Variants in PCDHGB2 observed in about 807,000 individuals in gnomAD.
The protein encoded by PCDHGB2 is protocadherin gamma subfamily B, 2, also known as protocadherin gamma-B2.
Under a neutral mutation model 59.3 loss-of-function variants are expected in PCDHGB2, and 55 were observed. That is an observed-to-expected ratio of 0.93 (90% confidence interval 0.75 to 1.16). PCDHGB2 has a LOEUF of 1.16. PCDHGB2 is among the 50% of genes most tolerant of loss of function. The pLI, the probability that PCDHGB2 is intolerant of heterozygous loss-of-function variation, is 0.00. For synonymous variants in PCDHGB2, 516 were observed against 512.0 expected (o/e 1.01, Z -0.11); for missense variants, 1,228 against 1,198.5 (o/e 1.02, Z -0.36).
chr5:141,380,982 T>A (rs1776910305), intron 1 of PCDHGB2, among the ~76,000 whole-genome samples: 3 of 152,248 alleles, frequency 2.0e-5, no homozygotes, highest in Non-Finnish European at 2.9e-5. Flanking sequence ...AAATAGAATT[T>A]AACTCCAGTT....
chr5:141,431,162 G>C lies in PCDHGB2; in HGVS notation c.2422-63645G>C, dbSNP rs757521794. The C allele has an allele frequency of 3.1e-6, 5 of 1,614,246 alleles. No homozygotes were observed. The South Asian group carries it at 5.5e-5, about 18-fold the overall frequency. On this transcript the variant is annotated intron_variant, in intron 1 of 3. Coordinates refer to ENST00000522605, the MANE Select transcript of PCDHGB2 (RefSeq NM_018923.3). The surrounding 1 kb of genome is among the most constrained non-coding windows in gnomAD (Gnocchi z 4.8). Reference sequence around the variant, plus strand: ...TAACGACAATGCGCCTTACTTTCGTGAAAGTGAATTAGAAATAAAAATTAG... The same window carrying C: ...TAACGACAATGCGCCTTACTTTCGTCAAAGTGAATTAGAAATAAAAATTAG...
intron 1 of PCDHGB2, chr5:141,390,367 T>C (rs2092130153): frequency 6.6e-7 from 1 of 1,518,766 alleles, no homozygotes; most frequent in African/African-American, 1.4e-5. Flanking sequence ...TGCAGGAAAA[T>C]ATATAATTTT....
intron 1 of PCDHGB2, among the ~76,000 whole-genome samples, chr5:141,482,530 C>CAAAAAAAAAA (rs3074545): frequency 1.2e-3 from 90 of 76,428 alleles, no homozygotes; most frequent in African/African-American, 1.7e-3. Context: ...GACAGACATG[C>CAAAAAAAAAA]AAAAAAAAAA....
intron 1 of PCDHGB2, chr5:141,419,357 AC>A (rs1185938270): frequency 3.7e-6 from 6 of 1,613,814 alleles, no homozygotes; most frequent in Non-Finnish European, 4.2e-6. Context: ...GGAGTCACGA[AC>A]GCTGTCGTCC....
chr5:141,459,253 ATTAGTGTTGCCTCT>A (rs1439680561), intron 1 of PCDHGB2, among the ~76,000 whole-genome samples: 1 of 152,174 alleles, frequency 6.6e-6, no homozygotes, highest in African/African-American at 2.4e-5. Context: ...GTCACTATAA[ATTAGTGTTGCCTCT>A]TTCAGAATTT....
chr5:141,478,856 T>G (rs1372487685), intron 1 of PCDHGB2: 2 of 1,353,224 alleles, frequency 1.5e-6, no homozygotes, highest in Non-Finnish European at 2.0e-6. Flanking sequence ...AAACACAAGA[T>G]CTCAGCGATC....
chr5:141,420,293 A>T (rs1478341095), intron 1 of PCDHGB2: 1 of 1,485,484 alleles, frequency 6.7e-7, no homozygotes, highest in Admixed American at 2.2e-5. Context: ...TTAAAAATGT[A>T]TTTAATCCTT....
intron 1 of PCDHGB2, chr5:141,423,469 C>G: frequency 3.1e-6 from 5 of 1,613,948 alleles, no homozygotes; most frequent in Non-Finnish European, 4.2e-6. Flanking sequence ...GGACGGGGTA[C>G]AGGCTTTCCT....
At position 141,362,326 on chromosome 5, in the gene PCDHGB2, C is replaced by T; in HGVS notation, c.2191C>T (p.Leu731Phe). 6.2e-7 allele frequency: 1 copy of T among 1,614,070 alleles called. No individual in the cohort carries two copies. The highest frequency in any genetic ancestry group is 1.3e-5 in the African/African-American group (1 of 75,068). Residue 731 changes from leucine to phenylalanine, a missense_variant, in exon 1 of 4, where the codon CTC becomes TTC. Physicochemically the swap from Leu to Phe is conservative, Grantham distance 22. Coordinates refer to ENST00000522605, the MANE Select transcript of PCDHGB2 (RefSeq NM_018923.3). ...SDAWDCFQPG[L>F]SSKPGPGVLP... ...TGCTTGGGACTGTTTTCAGCCTGGT[C>T]TCAGCTCCAAGCCTGGACCTGGGGT...
chr5:141,422,069 C>A, intron 1 of PCDHGB2: 3 of 1,611,836 alleles, frequency 1.9e-6, no homozygotes, highest in Non-Finnish European at 2.5e-6. Flanking sequence ...GTAATGTATT[C>A]ATTTCGGAAC....
rs1486545769 is a variant in PCDHGB2 at position 141,431,780 on chromosome 5, A to T, written c.2422-63027A>T. On this transcript the variant is annotated intron_variant, in intron 1 of 3. Coordinates refer to ENST00000522605, the MANE Select transcript of PCDHGB2 (RefSeq NM_018923.3). This position sits in a 1 kb window ranked among gnomAD's most constrained non-coding sequence, Gnocchi z 4.8. The stretch of plus-strand genomic sequence containing the variant: ...AGTCCTGATCACTGTTCTGGACGTG[A>T]ACGACAATGCCCCAGAAGTGGTCCT... 4 of 1,614,086 alleles carry T rather than the reference A, an allele frequency of 2.5e-6. No homozygotes were observed. The highest frequency in any genetic ancestry group is 3.4e-6 in the Non-Finnish European group (4 of 1,180,028).
intron 1 of PCDHGB2, chr5:141,419,381 A>T (rs1170271990): frequency 6.2e-7 from 1 of 1,613,544 alleles, no homozygotes; most frequent in Admixed American, 1.7e-5. Flanking sequence ...CGTGTCCGTG[A>T]GCGCGCAGAG....
At position 141,461,820 on chromosome 5, in the gene PCDHGB2, AT is replaced by A. The variant is rs1458631685; in HGVS notation, c.2422-32978del. Among the ~76,000 whole-genome samples the A allele has an allele frequency of 8.1e-5, 12 of 147,918 alleles. 1 individual carries two copies. In the South Asian group the frequency reaches 1.3e-3, roughly 16 times the overall value. On this transcript the variant is annotated intron_variant, in intron 1 of 3. Transcript: ENST00000522605. ...AGGTGCCCACCACCACACCCAGCTAATTTTTTTTTCTTTTTTTTTTGAGACA... is the reference window on the plus strand; with the variant it reads ...AGGTGCCCACCACCACACCCAGCTAATTTTTTTTCTTTTTTTTTTGAGACA...
At chr5:141,374,864 G>A (rs1342499165) in intron 1 of PCDHGB2, 4 of 1,613,748 alleles carry the variant, frequency 2.5e-6, no homozygotes, top group Non-Finnish European at 3.4e-6. Flanking sequence ...AGGCACACCA[G>A]TGTTGGCAGT....
chr5:141,395,343 G>T (rs903122712), intron 1 of PCDHGB2: 1 of 1,396,676 alleles, frequency 7.2e-7, no homozygotes, highest in Non-Finnish European at 9.5e-7. Flanking sequence ...TTTTTAAGGT[G>T]TATCACAGAG....
chr5:141,390,105 T>C (rs2092048923), intron 1 of PCDHGB2: 4 of 1,614,052 alleles, frequency 2.5e-6, no homozygotes, highest in African/African-American at 1.3e-5. Flanking sequence ...TCCCCCCAAC[T>C]ACAGCGAGGG....
rs774366625 is a variant in PCDHGB2, at chr5:141,384,613, T to A, written c.2421+22057T>A. On this transcript the variant is annotated intron_variant, in intron 1 of 3. Coordinates refer to ENST00000522605, the MANE Select transcript of PCDHGB2 (RefSeq NM_018923.3). ...GTACCCGGCCCTCCCCACAGATGGTTCTACTGGCATGGAGCTGGCACCCCG... is the reference window on the plus strand; with the variant it reads ...GTACCCGGCCCTCCCCACAGATGGTACTACTGGCATGGAGCTGGCACCCCG... The A allele has an allele frequency of 9.9e-6, 16 of 1,614,202 alleles. No homozygotes were observed. The Admixed American group carries it at 2.7e-4, about 27-fold the overall frequency.
chr5:141,376,859 T>C, intron 1 of PCDHGB2: 1 of 231,414 alleles, frequency 4.3e-6, no homozygotes, highest in South Asian at 6.4e-5. Context: ...GCTAATTTTT[T>C]TGTATTTTTA....
intron 1 of PCDHGB2, among the ~76,000 whole-genome samples, chr5:141,465,779 G>GT (rs879859429): frequency 0.017 from 2,504 of 144,598 alleles, 23 homozygotes; most frequent in Non-Finnish European, 0.024. Flanking sequence ...TCTTGTTACA[G>GT]TTTTTTTTTT....
Sources: gnomAD v4.1 joint callset for allele counts (sites outside exome capture counted in the v4.1 genomes callset) on GRCh38, gnomAD v4.1.1 for gene constraint, Gnocchi (gnomAD v3.1) non-coding constraint, MANE v1.5 for transcripts, NCBI Gene and HGNC (gene_info 2026-07-23, HGNC 2026-07-21) for gene names.